Variants in COL21A1 observed in about 807,000 individuals in gnomAD.
The protein encoded by COL21A1 is collagen type XXI alpha 1 chain.
In COL21A1, 149 loss-of-function variants were observed where a neutral mutation model predicts 137.9. The observed-to-expected ratio is 1.08, with a 90% confidence interval of 0.95 to 1.24. The LOEUF (loss-of-function observed/expected upper bound fraction) is 1.24, where lower values mean the gene tolerates loss of function less well. Ranked by LOEUF, COL21A1 falls within the 50% of genes most tolerant of loss-of-function variation. The pLI is 0.00. For synonymous variants in COL21A1, 456 were observed against 391.5 expected, an observed-to-expected ratio of 1.16 and a Z score of -1.95; for missense variants, 1,167 against 1,158.4, an observed-to-expected ratio of 1.01 and a Z score of -0.11.
chr6:56,155,687 T>C (rs540796359), intron 10 of COL21A1, among the ~76,000 whole-genome samples: 1 of 152,296 alleles, frequency 6.6e-6, no homozygotes, highest in East Asian at 1.9e-4. Context: ...CCTCCGCCTC[T>C]CGTGTTCAAG....
intron 10 of COL21A1, among the ~76,000 whole-genome samples, chr6:56,147,196 T>C (rs904075708): frequency 4.6e-5 from 7 of 152,148 alleles, no homozygotes; most frequent in Non-Finnish European, 8.8e-5. Flanking sequence ...GTGCTTTTCA[T>C]ACTCAAAGAG....
chr6:56,263,653 C>T (rs1763333704), intron 1 of COL21A1, among the ~76,000 whole-genome samples: 1 of 152,214 alleles, frequency 6.6e-6, no homozygotes, highest in Non-Finnish European at 1.5e-5. Context: ...CAAATCATAG[C>T]TCACTTAAGC....
Position 56,219,801 on chromosome 6 carries a change from T to G in COL21A1, c.-39+27586A>C, listed in dbSNP as rs144793407. 1.3e-3 allele frequency among the ~76,000 whole-genome samples: 193 copies of G among 152,180 alleles called. 1 individual carries two copies. The East Asian group carries it at 0.029, about 23-fold the overall frequency. On this transcript the variant is annotated intron_variant, in intron 1 of 29. Coordinates refer to ENST00000244728, the MANE Select transcript of COL21A1 (RefSeq NM_030820.4). Reference sequence around the variant, plus strand: ...TGCAATGAATATTTTTGCCCATCTATCCACTGACTTACACTTTATTCATTT... The same window carrying G: ...TGCAATGAATATTTTTGCCCATCTAGCCACTGACTTACACTTTATTCATTT...
At chr6:56,213,179 A>T (rs980028596) in intron 1 of COL21A1, among the ~76,000 whole-genome samples, 8 of 140,780 alleles carry the variant, frequency 5.7e-5, no homozygotes, top group Non-Finnish European at 1.2e-4. Context: ...AGTCTTATTT[A>T]AAAAAAATTG....
chr6:56,234,586 T>C (rs1156750488), intron 1 of COL21A1, among the ~76,000 whole-genome samples: 1 of 151,844 alleles, frequency 6.6e-6, no homozygotes, highest in African/African-American at 2.4e-5. Flanking sequence ...TTTTCCCTAA[T>C]AGTACACATT....
chr6:56,119,479 A>C (rs12207611), intron 16 of COL21A1, among the ~76,000 whole-genome samples: 22,833 of 152,116 alleles, frequency 0.15, 1,743 homozygotes, highest in Middle Eastern at 0.22. Flanking sequence ...AATGTCCATA[A>C]TACCAAAGGA....
chr6:56,344,296 T>A (rs949732013), intron 1 of COL21A1, among the ~76,000 whole-genome samples: 2 of 152,192 alleles, frequency 1.3e-5, no homozygotes, highest in African/African-American at 4.8e-5. Context: ...AAACTCTATT[T>A]CCAGAATTAA....
intron 18 of COL21A1, among the ~76,000 whole-genome samples, chr6:56,076,092 C>A (rs1344813697): frequency 6.6e-6 from 1 of 151,350 alleles, no homozygotes; most frequent in Non-Finnish European, 1.5e-5. Flanking sequence ...AGAATTTGAA[C>A]TATACAGAAA....
intron 24 of COL21A1, among the ~76,000 whole-genome samples, chr6:56,063,957 A>G (rs965941127): frequency 2.1e-4 from 32 of 152,122 alleles, no homozygotes; most frequent in African/African-American, 7.0e-4. Flanking sequence ...CTAAGTACCA[A>G]TCTCCTTTAT....
intron 1 of COL21A1, among the ~76,000 whole-genome samples, chr6:56,271,165 G>A (rs929052829): frequency 6.6e-6 from 1 of 152,212 alleles, no homozygotes; most frequent in Non-Finnish European, 1.5e-5. Context: ...AATGCTGATA[G>A]TGACAATGAA....
At chr6:56,145,193 C>A (rs541081638) in intron 10 of COL21A1, among the ~76,000 whole-genome samples, 1 of 152,208 alleles carries the variant, frequency 6.6e-6, no homozygotes, top group South Asian at 2.1e-4. Context: ...GCAAACATGG[C>A]CTCAGTGTAT....
intron 3 of COL21A1, among the ~76,000 whole-genome samples, chr6:56,173,962 T>C (rs1050497741): frequency 6.6e-6 from 1 of 152,134 alleles, no homozygotes; most frequent in Non-Finnish European, 1.5e-5. Flanking sequence ...ATGTCTTATT[T>C]AAGAAGGCTG....
intron 1 of COL21A1, among the ~76,000 whole-genome samples, chr6:56,212,272 T>C (rs1377148198): frequency 6.6e-6 from 1 of 152,010 alleles, no homozygotes; most frequent in Non-Finnish European, 1.5e-5. Context: ...ATTATCCTGG[T>C]TCTGTGATTG....
intron 1 of COL21A1, among the ~76,000 whole-genome samples, chr6:56,257,232 C>T (rs1354406678): frequency 6.6e-6 from 1 of 152,096 alleles, no homozygotes; most frequent in Non-Finnish European, 1.5e-5. Context: ...TATTATTGAA[C>T]TTAAAATAGT....
chr6:56,198,796 C>T (rs1779196680), intron 1 of COL21A1, among the ~76,000 whole-genome samples: 1 of 151,896 alleles, frequency 6.6e-6, no homozygotes, highest in African/African-American at 2.4e-5. Context: ...TCTAGTTTTC[C>T]AAAAGCTTTA....
chr6:56,188,980 C>G (rs1582596820), intron 1 of COL21A1, among the ~76,000 whole-genome samples: 1 of 152,050 alleles, frequency 6.6e-6, no homozygotes, highest in Non-Finnish European at 1.5e-5. Flanking sequence ...CATCAAAGAC[C>G]AAAGGCAGAT....
At chr6:56,143,302 G>C (rs555006930) in intron 10 of COL21A1, among the ~76,000 whole-genome samples, 2 of 148,780 alleles carry the variant, frequency 1.3e-5, no homozygotes, top group Non-Finnish European at 3.0e-5. Context: ...CTGGGTTCAC[G>C]CCATTCTCCT....
At position 56,142,096 on chromosome 6, in the gene COL21A1, T is replaced by A. The variant is rs576569311; in HGVS notation, c.1435-113A>T. ...AGTTTCTCATGCCTAAAACTTCACTTAGAGACAAATCCAAAATAATAAAGT... is the reference window on the plus strand; with the variant it reads ...AGTTTCTCATGCCTAAAACTTCACTAAGAGACAAATCCAAAATAATAAAGT... On this transcript the variant is annotated intron_variant, in intron 10 of 29. Coordinates refer to ENST00000244728, the MANE Select transcript of COL21A1 (RefSeq NM_030820.4). 2.1e-4 allele frequency: 154 copies of A among 719,696 alleles called. No homozygotes were observed. In the Middle Eastern group the frequency reaches 2.4e-3, roughly 11 times the overall value. 44.6% of individuals were successfully genotyped at this position (719,696 alleles called of 1,614,324 possible).
At chr6:56,248,740 T>C (rs551111414), upstream of COL21A1, among the ~76,000 whole-genome samples, 28 of 152,370 alleles carry the variant, frequency 1.8e-4, no homozygotes, top group African/African-American at 6.7e-4. Context: ...TCAGGTGTGA[T>C]ACAAACATCT....
Sources: allele counts gnomAD v4.1 joint callset (sites outside exome capture counted in the v4.1 genomes callset), GRCh38; gene constraint gnomAD v4.1.1; transcripts MANE v1.5; gene names NCBI Gene and HGNC (gene_info 2026-07-23, HGNC 2026-07-21).